Variants in ATP2C1 observed in about 807,000 individuals in gnomAD.
ATP2C1 encodes the protein calcium-transporting ATPase type 2C member 1.
A neutral mutation model predicts 120.5 loss-of-function variants in ATP2C1; 31 were observed. That is an observed-to-expected ratio of 0.26 (90% CI 0.19 to 0.35). The LOEUF (loss-of-function observed/expected upper bound fraction) is 0.35. ATP2C1 is among the 10% of genes least tolerant of loss of function. ATP2C1 has a pLI of 1.00. For synonymous variants in ATP2C1, 351 were observed against 358.7 expected (o/e 0.98, Z 0.24); for missense variants, 731 against 1,107.5 (o/e 0.66, Z 4.83).
chr3:130,980,533 C>T, intron 19 of ATP2C1, 49 bp from the exon 20 acceptor site: 1 of 1,410,870 alleles, frequency 7.1e-7, no homozygotes, highest in Non-Finnish European at 1.0e-6. Context: ...ACTAGCCTGT[C>T]AAGCAAAAAC....
intron 14 of ATP2C1, among the ~76,000 whole-genome samples, chr3:130,966,903 A>T (rs774698387): frequency 1.3e-5 from 2 of 152,192 alleles, no homozygotes; most frequent in Non-Finnish European, 2.9e-5. Context: ...TTTTAACAGT[A>T]TATTGTAATT....
chr3:130,894,680 G>C lies in ATP2C1; in HGVS notation c.-90G>C, dbSNP rs1281629898. 2.1e-5 allele frequency: 34 copies of C among 1,613,326 alleles called. No individual in the cohort carries two copies. The highest frequency in any genetic ancestry group is 2.7e-5 in the African/African-American group (2 of 74,882). On this transcript the variant is annotated 5_prime_UTR_variant, in exon 2 of 28. Transcript: ENST00000510168. The surrounding 1 kb of genome is among the most constrained non-coding windows in gnomAD (Gnocchi z 4.5). The stretch of plus-strand genomic sequence containing the variant: ...GGGATTCCGGGGGCTTCTCTTCCTT[G>C]TCCTCCTCCTCTCCTCTCTATTCCC...
chr3:130,928,541 T>C (rs1360531655), intron 2 of ATP2C1, among the ~76,000 whole-genome samples: 1 of 152,194 alleles, frequency 6.6e-6, no homozygotes, highest in Non-Finnish European at 1.5e-5. Flanking sequence ...ATTTCCAATA[T>C]ATTATTGATA....
intron 1 of ATP2C1, chr3:130,856,276 T>C (rs1268742958): frequency 6.6e-6 from 1 of 152,184 alleles, no homozygotes; most frequent in African/African-American, 2.4e-5. Flanking sequence ...AAATAAATAT[T>C]TGAATTTAAT....
chr3:130,918,439 T>C, intron 2 of ATP2C1: 1 of 913,308 alleles, frequency 1.1e-6, no homozygotes, highest in Admixed American at 1.7e-5. Context: ...TCCCCACATC[T>C]GGAACACTTC....
At chr3:130,951,682 C>A (rs1203773848) in intron 8 of ATP2C1, among the ~76,000 whole-genome samples, 2 of 152,066 alleles carry the variant, frequency 1.3e-5, no homozygotes, top group Non-Finnish European at 2.9e-5. Context: ...TTTAAATCTT[C>A]AGTTGCGTTA....
chr3:130,939,570 A>G (rs2059808544), intron 6 of ATP2C1, among the ~76,000 whole-genome samples: 1 of 152,214 alleles, frequency 6.6e-6, no homozygotes, highest in South Asian at 2.1e-4. Flanking sequence ...AAGATTGGGC[A>G]GCATCTATGT....
Position 131,008,383 on chromosome 3 carries a change from G to A in ATP2C1, c.2630-7769G>A, listed in dbSNP as rs112399060. ...GGAGGCTGCAGTGAGCCTAGATTGC[G>A]CCACTGCACTCCAGCCTGGGCAACA... On this transcript the variant is annotated intron_variant, in intron 26 of 26. Transcript: ENST00000328560. Among the ~76,000 whole-genome samples, 870 of 146,088 alleles carry A rather than the reference G, an allele frequency of 6.0e-3. 13 individuals are homozygous for A. The highest frequency in any genetic ancestry group is 0.02 in the African/African-American group (784 of 38,808).
At chr3:130,998,456 TA>T (rs1445267238) in intron 26 of ATP2C1, 67 bp downstream of exon 26, 16 of 1,190,730 alleles carry the variant, frequency 1.3e-5, no homozygotes, top group Non-Finnish European at 1.8e-5. Context: ...TTCTAATAAG[TA>T]GGCAAAGATT....
In ATP2C1 at chr3:130,980,670, A is replaced by G; in HGVS notation, c.1830A>G (p.Ile610Met). 3 of 1,612,528 alleles carry G rather than the reference A, an allele frequency of 1.9e-6. No homozygotes were observed. Among genetic ancestry groups the G allele is most frequent in the Non-Finnish European group, 2.5e-6 (3 of 1,178,752 alleles). The change falls in exon 20 of 28, where the codon ATA (isoleucine) becomes ATG (methionine). Residue 610 changes from isoleucine (I) to methionine (M), a missense_variant. By Grantham distance (10) the Ile-to-Met change is conservative (BLOSUM62 1). Transcript: ENST00000510168. ...TGGATGTTCAGCAGCTTTCACAAAT[A>G]GTACCAAAGGTAGGCCTAAACTAAA... is the stretch of plus-strand genomic sequence containing the variant. ...DAMDVQQLSQ[I>M]VPKVAVFYRA... is the part of the protein sequence containing the mutation.
chr3:130,850,859 C>A (rs1242972660), exon 1 of ATP2C1: 2 of 1,446,288 alleles, frequency 1.4e-6, no homozygotes, highest in Non-Finnish European at 1.8e-6. Flanking sequence ...TCTCTTATTT[C>A]AAAAAATATC....
intron 2 of ATP2C1, among the ~76,000 whole-genome samples, chr3:130,901,376 C>G (rs527849589): frequency 1.3e-5 from 2 of 151,880 alleles, no homozygotes; most frequent in Admixed American, 1.3e-4. Flanking sequence ...TATGAGGGGC[C>G]AAGAGAGATT....
intron 24 of ATP2C1, 89 bp from the exon 25 acceptor site, chr3:130,997,517 G>A: frequency 8.2e-7 from 1 of 1,225,122 alleles, no homozygotes; most frequent in Non-Finnish European, 1.2e-6. Flanking sequence ...CATTTAGTTT[G>A]CCGAATAATT....
At chr3:130,965,177 CT>C in intron 14 of ATP2C1, 132 bp downstream of exon 14, 6 of 687,746 alleles carry the variant, frequency 8.7e-6, no homozygotes, top group Non-Finnish European at 1.6e-5. Context: ...TTTTCTCTCT[CT>C]GTGATTTTAC....
rs750387878 is a variant in ATP2C1, at chr3:130,997,700, C to G, written c.2338C>G (p.Leu780Val). 3 of 1,613,704 alleles carry G rather than the reference C, an allele frequency of 1.9e-6. No individual in the cohort carries two copies. The highest frequency in any genetic ancestry group is 2.5e-6 in the Non-Finnish European group (3 of 1,179,758). The change falls in exon 25 of 28, where the codon CTT (leucine) becomes GTT (valine). Residue 780 changes from leucine (L) to valine (V), a missense_variant. Coordinates refer to ENST00000510168, the MANE Select transcript of ATP2C1 (RefSeq NM_001378687.1). ...GACTAAAAACTTGATACTTAAAATA[C>G]TTGTTTCATCAATAATCATTGTTTG... ...ILTKNLILKILVSSIIIVCGT... is the reference protein window; with the variant it reads ...ILTKNLILKIVVSSIIIVCGT...
chr3:131,016,007 A>G (rs1161394595), intron 26 of ATP2C1: 1 of 1,120,260 alleles, frequency 8.9e-7, no homozygotes, highest in South Asian at 1.4e-5. Flanking sequence ...AGTGACTCAA[A>G]ATCAATTACA....
At chr3:130,854,535 C>G (rs2067775217) in intron 1 of ATP2C1, among the ~76,000 whole-genome samples, 1 of 152,200 alleles carries the variant, frequency 6.6e-6, no homozygotes, top group South Asian at 2.1e-4. Flanking sequence ...GTACTAGAGA[C>G]TCAGCAGCCT....
intron 21 of ATP2C1, 106 bp downstream of exon 21, chr3:130,993,107 C>A: frequency 1.1e-6 from 1 of 944,262 alleles, no homozygotes; most frequent in Non-Finnish European, 1.6e-6. Flanking sequence ...GTCAGAAATA[C>A]TGTGAAGCAA....
chr3:130,976,483 ACACTT>A (rs1159809882), intron 18 of ATP2C1, among the ~76,000 whole-genome samples: 2 of 152,148 alleles, frequency 1.3e-5, no homozygotes, highest in East Asian at 3.9e-4. Context: ...GACCATCTTA[ACACTT>A]CATCCCCTGT....
Sources: gnomAD v4.1 joint callset for allele counts (sites outside exome capture counted in the v4.1 genomes callset) on GRCh38, gnomAD v4.1.1 for gene constraint, Gnocchi (gnomAD v3.1) non-coding constraint, MANE v1.5 for transcripts, NCBI Gene and HGNC (gene_info 2026-07-23, HGNC 2026-07-21) for gene names.